DNAH10: variants seen among roughly 807,000 people sequenced by gnomAD.
The protein encoded by DNAH10 is axonemal beta dynein heavy chain 10.
A neutral mutation model predicts 506.6 loss-of-function variants in DNAH10; 348 were observed. The ratio of observed to expected loss-of-function variants is 0.69; its 90% CI spans 0.63 to 0.75. The LOEUF is 0.75. Ranked by LOEUF, DNAH10 falls within the 30% of genes least tolerant of loss-of-function variation. The pLI is 0.00. For synonymous variants in DNAH10, 2,059 were observed against 2,198.6 expected (o/e 0.94, Z 1.78); for missense variants, 5,179 against 5,787.1 (o/e 0.89, Z 3.41).
intron 26 of DNAH10, among the ~76,000 whole-genome samples, chr12:123,832,288 A>G (rs1029264355): frequency 3.3e-5 from 5 of 152,218 alleles, no homozygotes; most frequent in African/African-American, 9.7e-5. Context: ...GTATTCGTAT[A>G]CACACGATGT....
In DNAH10 at chr12:123,918,893, G is replaced by A. The variant is rs1327635542; in HGVS notation, c.11450G>A (p.Arg3817His). The A allele has an allele frequency of 1.9e-6, 3 of 1,613,768 alleles. No individual in the cohort carries two copies. Among genetic ancestry groups the A allele is most frequent in the South Asian group, 1.1e-5 (1 of 91,062 alleles). The change falls in exon 65 of 79, where the codon CGC (arginine) becomes CAC (histidine). Residue 3817 changes from arginine (R) to histidine (H), a missense_variant. Transcript: ENST00000673944. ...KSLPDSILMK[R>H]LRNIMDTLTF... is the part of the protein sequence containing the mutation. ...CTGCCTGATTCCATCCTCATGAAAC[G>A]CCTGAGGAACATCATGGACACGCTG...
chr12:123,867,687 C>T lies in DNAH10; in HGVS notation c.7302+86C>T, dbSNP rs1173824344. ...AGGGTTTTAAAGGGAGTGAAGATGC[C>T]AGACAGGGTGAACAGTAGCATTGTT... On this transcript the variant is annotated intron_variant, in intron 42 of 78. Transcript: ENST00000673944. 6 of 1,562,810 alleles carry T rather than the reference C, an allele frequency of 3.8e-6. No individual in the cohort carries two copies. In the African/African-American group the frequency reaches 8.1e-5, roughly 21 times the overall value.
chr12:123,851,991 G>A (rs188679776), intron 35 of DNAH10, among the ~76,000 whole-genome samples: 7 of 152,166 alleles, frequency 4.6e-5, no homozygotes, highest in Admixed American at 2.0e-4. Context: ...GGCTGGTCTC[G>A]AACTTCTGGG....
intron 52 of DNAH10, among the ~76,000 whole-genome samples, chr12:123,890,169 T>G (rs10846569): frequency 0.81 from 122,829 of 152,180 alleles, 49,844 homozygotes; most frequent in East Asian, 1. Flanking sequence ...GGTGGAGGGG[T>G]TCTATGGCGT....
chr12:123,786,022 T>C, intron 9 of DNAH10, 86 bp downstream of exon 9: 1 of 1,337,770 alleles, frequency 7.5e-7, no homozygotes, highest in Non-Finnish European at 1.0e-6. Context: ...TGAGCTATAA[T>C]TCACATATAA....
Position 123,868,059 on chromosome 12 carries a change from C to G in DNAH10, c.7459C>G (p.Leu2487Val). Residue 2487 changes from leucine (L) to valine (V), a missense_variant, in exon 43 of 79, where the codon CTT (leucine) becomes GTT (valine). Leu to Val is a conservative substitution (Grantham distance 32). Transcript: ENST00000673944. ...GAAATTTGACGAATATATCAAACGCCTTGCTTCTTTGTCTACTGTTGACAC... is the reference window on the plus strand; with the variant it reads ...GAAATTTGACGAATATATCAAACGCGTTGCTTCTTTGTCTACTGTTGACAC... ...RMKFDEYIKR[L>V]ASLSTVDTEG... 1 of 1,613,938 alleles carries G rather than the reference C, an allele frequency of 6.2e-7. No individual in the cohort carries two copies. Among genetic ancestry groups the G allele is most frequent in the South Asian group, 1.1e-5 (1 of 91,082 alleles).
intron 40 of DNAH10, 25 bp from the exon 41 acceptor site, chr12:123,865,924 CAT>C (rs751415463): frequency 1.6e-5 from 25 of 1,588,708 alleles, no homozygotes; most frequent in Non-Finnish European, 1.8e-5. Flanking sequence ...TAGCTATAGC[CAT>C]GATTGATTTT....
Position 123,848,881 on chromosome 12 carries a change from AG to A in DNAH10, c.6102+1del. The A allele has an allele frequency of 6.2e-6, 10 of 1,613,524 alleles. No individual in the cohort carries two copies. Among genetic ancestry groups the A allele is most frequent in the Non-Finnish European group, 8.5e-6 (10 of 1,179,704 alleles). ...NALIHQLTTF[Q>X]FEGQEISLDS... ...CTGATCCATCAGTTAACCACGTTCC[AG>A]GTGAGACACATGAAGCCCCCGGGAC... On this transcript the variant is annotated frameshift_variant and splice_region_variant, in exon 34 of 79. Transcript: ENST00000673944. LOFTEE classifies it high-confidence loss of function.
rs535058132 is a variant in DNAH10 at position 123,910,562 on chromosome 12, A to G, written c.10024A>G (p.Thr3342Ala). The G allele has an allele frequency of 9.3e-6, 15 of 1,613,694 alleles. No individual in the cohort carries two copies. Among genetic ancestry groups the G allele is most frequent in the Admixed American group, 1.7e-5 (1 of 60,018 alleles). ...KGLLKTLNTT[T>A]EEMEAVSKAG... The stretch of plus-strand genomic sequence containing the variant: ...CCTCTTGAAGACTCTTAATACCACA[A>G]CTGAAGAAATGGAAGCTGTCAGCAA... The change falls in exon 59 of 79, where the codon ACT (threonine) becomes GCT (alanine). Residue 3342 changes from threonine to alanine, a missense_variant. Physicochemically the swap from Thr to Ala is moderately conservative, Grantham distance 58. This residue lies in a region of DNAH10 where 4,844 missense variants were observed against 5,430.5 expected (regional missense o/e 0.89). Transcript: ENST00000673944.
rs186982380 is a variant in DNAH10, at chr12:123,881,829, C to T, written c.8823+16C>T. 1.9e-4 allele frequency: 274 copies of T among 1,458,400 alleles called. No homozygotes were observed. The African/African-American group carries it at 3.5e-3, about 19-fold the overall frequency. 90.3% of individuals were successfully genotyped at this position (1,458,400 alleles called of 1,614,324 possible). ...CAGCTGTGAGGTCAGTCCACGTACC[C>T]TCCCAGAAATAGGTTTACGATGCCA... On this transcript the variant is annotated intron_variant, in intron 51 of 78. Transcript: ENST00000673944.
chr12:123,839,661 TA>T (rs1360281622), intron 29 of DNAH10, among the ~76,000 whole-genome samples: 3 of 105,932 alleles, frequency 2.8e-5, no homozygotes, highest in Non-Finnish European at 6.2e-5. Context: ...TTTTCTTTTC[TA>T]TTTTTTTTTT....
intron 2 of DNAH10, 45 bp downstream of exon 2, chr12:123,767,734 C>A (rs529694798): frequency 3.9e-6 from 6 of 1,543,464 alleles, no homozygotes; most frequent in African/African-American, 2.7e-5. Context: ...CTGAGAAAGC[C>A]CCCCCGCAGC....
chr12:123,897,255 A>G (rs746629568), intron 54 of DNAH10, among the ~76,000 whole-genome samples: 23 of 152,140 alleles, frequency 1.5e-4, no homozygotes, highest in Non-Finnish European at 2.9e-4. Flanking sequence ...CCGTTGCTGG[A>G]CGCTTGGGTC....
intron 23 of DNAH10, among the ~76,000 whole-genome samples, chr12:123,819,758 G>C (rs1959217593): frequency 7.1e-6 from 1 of 140,550 alleles, no homozygotes; most frequent in South Asian, 2.2e-4. Context: ...AGACTGGAGT[G>C]CAGTGGCACA....
At position 123,785,974 on chromosome 12, in the gene DNAH10, G is replaced by GTTTTT. The variant is rs1384104946; in HGVS notation, c.1421+41_1421+42insTTTTT. On this transcript the variant is annotated intron_variant, in intron 9 of 78. Coordinates refer to ENST00000673944, the MANE Select transcript of DNAH10 (RefSeq NM_001372106.1). This position sits in a 1 kb window ranked among gnomAD's most constrained non-coding sequence, Gnocchi z 4.1. ...GGCGTTCATTTTTTTGTTTTGTTTT[G>GTTTTT]TTTCACTTTTTACTTTTTAGATCTT... 2 of 1,586,596 alleles carry GTTTTT rather than the reference G, an allele frequency of 1.3e-6. No homozygotes were observed. The highest frequency in any genetic ancestry group is 1.7e-6 in the Non-Finnish European group (2 of 1,162,110).
intron 12 of DNAH10, 122 bp downstream of exon 12, chr12:123,794,234 T>C (rs1044175607): frequency 1.6e-4 from 125 of 777,690 alleles, no homozygotes; most frequent in Non-Finnish European, 1.9e-4. Flanking sequence ...TTTTCCCAAA[T>C]TAGCATGTTA....
chr12:123,771,250 A>G (rs972215700), intron 2 of DNAH10, among the ~76,000 whole-genome samples: 6 of 152,196 alleles, frequency 3.9e-5, no homozygotes, highest in African/African-American at 1.4e-4. Context: ...GATTATAGGC[A>G]TGAGCCACTG....
At chr12:123,869,031 G>A (rs1022906669) in intron 43 of DNAH10, among the ~76,000 whole-genome samples, 3 of 152,202 alleles carry the variant, frequency 2.0e-5, no homozygotes, top group African/African-American at 7.2e-5. Context: ...TCATCTTGGG[G>A]GCCTGAATGG....
chr12:123,789,381 T>G (rs1000632640), intron 10 of DNAH10, among the ~76,000 whole-genome samples: 2 of 151,984 alleles, frequency 1.3e-5, no homozygotes, highest in African/African-American at 4.8e-5. Flanking sequence ...CCTCTTTGTG[T>G]GTGTGTGTGT....
Sources: gnomAD v4.1 joint callset for allele counts (sites outside exome capture counted in the v4.1 genomes callset) on GRCh38, gnomAD v4.1.1 for gene constraint, gnomAD v4.1.1 regional missense constraint, Gnocchi (gnomAD v3.1) non-coding constraint, MANE v1.5 for transcripts, NCBI Gene and HGNC (gene_info 2026-07-23, HGNC 2026-07-21) for gene names.